AGBL4: variants seen among roughly 807,000 people sequenced by gnomAD.
The protein encoded by AGBL4 is cytosolic carboxypeptidase 6.
A neutral mutation model predicts 66.4 loss-of-function variants in AGBL4; 58 were observed. That is an observed-to-expected ratio of 0.87 (90% CI 0.71 to 1.09). AGBL4 has a LOEUF of 1.09. AGBL4 is among the 50% of genes least tolerant of loss of function. The pLI, the probability that AGBL4 is intolerant of heterozygous loss-of-function variation, is 0.00. For missense variants in AGBL4, 579 were observed against 631.0 expected, an observed-to-expected ratio of 0.92 and a Z score of 0.88; for synonymous variants, 234 against 222.9, an observed-to-expected ratio of 1.05 and a Z score of -0.44.
At chr1:49,561,960 C>T (rs1185194593) in intron 3 of AGBL4, among the ~76,000 whole-genome samples, 1 of 152,022 alleles carries the variant, frequency 6.6e-6, no homozygotes, top group Non-Finnish European at 1.5e-5. Context: ...CACATCCTCT[C>T]CAGCACCTGT....
intron 1 of AGBL4, among the ~76,000 whole-genome samples, chr1:50,011,791 A>T (rs930266342): frequency 6.6e-6 from 1 of 152,218 alleles, no homozygotes; most frequent in Non-Finnish European, 1.5e-5. Flanking sequence ...AGAAAGACAT[A>T]TGTCATCACA....
At chr1:49,839,966 C>A (rs891629967) in intron 2 of AGBL4, among the ~76,000 whole-genome samples, 3 of 152,046 alleles carry the variant, frequency 2.0e-5, no homozygotes, top group Non-Finnish European at 4.4e-5. Context: ...TCAGGAGGAT[C>A]CACAAGACAG....
At chr1:49,875,933 T>A (rs1467196698) in intron 1 of AGBL4, among the ~76,000 whole-genome samples, 1 of 148,488 alleles carries the variant, frequency 6.7e-6, no homozygotes, top group Non-Finnish European at 1.5e-5. Context: ...TTTCATGTGT[T>A]TTTTGGCTGC....
chr1:48,710,929 C>CAAAAAAAAAAAAAAAAAAAAAAAAAAA (rs1557895437), intron 6 of AGBL4, among the ~76,000 whole-genome samples: 1 of 152,164 alleles, frequency 6.6e-6, no homozygotes, highest in African/African-American at 2.4e-5. Context: ...AGATCCAGCT[C>CAAAAAAAAAAAAAAAAAAAAAAAAAAA]AGACATTACC....
chr1:49,815,194 A>T (rs755836571), intron 2 of AGBL4, among the ~76,000 whole-genome samples: 1 of 152,130 alleles, frequency 6.6e-6, no homozygotes, highest in Non-Finnish European at 1.5e-5. Context: ...TGCCTCAGCT[A>T]AACATTCTTC....
At chr1:49,867,090 G>A (rs1247488770) in intron 1 of AGBL4, among the ~76,000 whole-genome samples, 3 of 152,008 alleles carry the variant, frequency 2.0e-5, no homozygotes, top group Admixed American at 6.5e-5. Flanking sequence ...CTGTCCTGCC[G>A]GGAGGTGCGG....
intron 4 of AGBL4, among the ~76,000 whole-genome samples, chr1:49,104,396 G>A (rs1645256546): frequency 6.6e-6 from 1 of 152,126 alleles, no homozygotes; most frequent in Non-Finnish European, 1.5e-5. Flanking sequence ...AAATAGAGAA[G>A]CAGGTACAAT....
intron 3 of AGBL4, among the ~76,000 whole-genome samples, chr1:49,546,324 C>T (rs1402595804): frequency 6.7e-6 from 1 of 150,040 alleles, no homozygotes; most frequent in Non-Finnish European, 1.5e-5. Flanking sequence ...TATATTCCAT[C>T]ATATATATTT....
At chr1:49,470,741 T>A (rs1258114669) in intron 3 of AGBL4, among the ~76,000 whole-genome samples, 1 of 152,036 alleles carries the variant, frequency 6.6e-6, no homozygotes, top group Non-Finnish European at 1.5e-5. Context: ...AATTTCGGCA[T>A]AATCTGCCCC....
Position 49,236,108 on chromosome 1 carries a change from C to T in AGBL4, c.377+9662G>A, listed in dbSNP as rs555091900. 1.9e-4 allele frequency among the ~76,000 whole-genome samples: 29 copies of T among 152,170 alleles called. No individual in the cohort carries two copies. The South Asian group carries it at 5.2e-3, about 27-fold the overall frequency. On this transcript the variant is annotated intron_variant, in intron 4 of 13. Coordinates refer to ENST00000371839, the MANE Select transcript of AGBL4 (RefSeq NM_032785.4). ...GCAGTGGCACGATCTTGGCTTACTG[C>T]AACCTCCTCCTCCCAGGAACAAGTG...
chr1:49,578,737 G>A (rs1644484411), intron 3 of AGBL4, among the ~76,000 whole-genome samples: 1 of 152,190 alleles, frequency 6.6e-6, no homozygotes, highest in African/African-American at 2.4e-5. Flanking sequence ...GTTGTATTAT[G>A]TTAATTGTAA....
chr1:49,996,473 C>T (rs1480598386), intron 1 of AGBL4, among the ~76,000 whole-genome samples: 1 of 151,978 alleles, frequency 6.6e-6, no homozygotes, highest in African/African-American at 2.4e-5. Context: ...AACTTCAGAG[C>T]TCGAAGATGC....
chr1:49,536,581 A>G (rs1255769356), intron 3 of AGBL4, among the ~76,000 whole-genome samples: 1 of 152,192 alleles, frequency 6.6e-6, no homozygotes, highest in Non-Finnish European at 1.5e-5. Context: ...GTACCAACAA[A>G]AGCCCAATAG....
intron 3 of AGBL4, among the ~76,000 whole-genome samples, chr1:49,570,341 T>G (rs1023589821): frequency 3.3e-5 from 5 of 152,166 alleles, no homozygotes; most frequent in East Asian, 3.9e-4. Flanking sequence ...ATGTTCAGCA[T>G]GCTAAAATTG....
At chr1:49,063,672 C>G (rs2147916711) in intron 4 of AGBL4, among the ~76,000 whole-genome samples, 1 of 152,210 alleles carries the variant, frequency 6.6e-6, no homozygotes, top group South Asian at 2.1e-4. Context: ...GGGAAAAAGA[C>G]AGCATAAGGG....
intron 1 of AGBL4, among the ~76,000 whole-genome samples, chr1:49,928,853 G>C (rs2148258444): frequency 6.6e-6 from 1 of 151,164 alleles, no homozygotes; most frequent in East Asian, 1.9e-4. Context: ...CTACCAAAAA[G>C]ACACATGCAC....
intron 1 of AGBL4, among the ~76,000 whole-genome samples, chr1:49,939,906 G>T (rs559257651): frequency 1.1e-4 from 16 of 152,200 alleles, no homozygotes; most frequent in African/African-American, 3.4e-4. Context: ...CCATCAGAGT[G>T]AATAGGCAAC....
chr1:48,894,031 T>C (rs1029155447), intron 5 of AGBL4, among the ~76,000 whole-genome samples: 3 of 152,168 alleles, frequency 2.0e-5, no homozygotes, highest in African/African-American at 7.2e-5. Context: ...GAGTCGCAAA[T>C]GTTGGCCAAC....
chr1:49,789,538 T>C (rs569692380), intron 2 of AGBL4, among the ~76,000 whole-genome samples: 46 of 152,094 alleles, frequency 3.0e-4, no homozygotes, highest in Non-Finnish European at 4.1e-4. Flanking sequence ...TATACACCAA[T>C]AATAGATAAA....
Sources: gnomAD v4.1 joint callset for allele counts (sites outside exome capture counted in the v4.1 genomes callset) on GRCh38, gnomAD v4.1.1 for gene constraint, MANE v1.5 for transcripts, NCBI Gene and HGNC (gene_info 2026-07-23, HGNC 2026-07-21) for gene names.